C6orf89: variants seen among roughly 807,000 people sequenced by gnomAD.
C6orf89 encodes bombesin receptor-activated protein C6orf89.
In C6orf89, 29 loss-of-function variants were observed where a neutral mutation model predicts 40.7. The ratio of observed to expected loss-of-function variants is 0.71; its 90% CI spans 0.53 to 0.97. The LOEUF (loss-of-function observed/expected upper bound fraction) is 0.97. C6orf89 is among the 50% of genes least tolerant of loss of function. The pLI, the probability that C6orf89 is intolerant of heterozygous loss-of-function variation, is 0.00. For missense variants in C6orf89, 392 were observed against 429.1 expected (o/e 0.91, Z 0.76); for synonymous variants, 165 against 152.2 (o/e 1.08, Z -0.62).
At position 36,898,582 on chromosome 6, in the gene C6orf89, G is replaced by A. The variant is rs181592290; in HGVS notation, c.-19-844G>A. Among the ~76,000 whole-genome samples, 9 of 151,946 alleles carry A rather than the reference G, an allele frequency of 5.9e-5. No homozygotes were observed. The East Asian group carries it at 1.5e-3, about 26-fold the overall frequency. ...GCACGAGCTATTGCGTCCAGCCTTG[G>A]AACTATTTAATTTCATTTTACAAAT... On this transcript the variant is annotated intron_variant, in intron 2 of 8. Coordinates refer to ENST00000480824, the MANE Select transcript of C6orf89 (RefSeq NM_001286635.2).
At chr6:36,885,151 T>A (rs1162397691), upstream of C6orf89, among the ~76,000 whole-genome samples, 1 of 152,164 alleles carries the variant, frequency 6.6e-6, no homozygotes, top group Admixed American at 6.5e-5. Context: ...AGCTTAATAG[T>A]CAAACAAAAT....
In C6orf89 at chr6:36,916,539, T is replaced by A; in HGVS notation, c.790T>A (p.Ser264Thr). The part of the protein sequence containing the change: ...FPKDASLNKC[S>T]FLHPEPVVGS... ...AAAAGATGCCTCTTTAAACAAGTGC[T>A]CCTTTCTTCACCCAGAACCTGTTGT... Residue 264 changes from serine to threonine, a missense_variant, in exon 7 of 9, where the codon TCC (serine) becomes ACC (threonine). Coordinates refer to ENST00000480824, the MANE Select transcript of C6orf89 (RefSeq NM_001286635.2). 1.9e-6 allele frequency: 3 copies of A among 1,614,216 alleles called. No homozygotes were observed. Among genetic ancestry groups the A allele is most frequent in the Non-Finnish European group, 2.5e-6 (3 of 1,180,034 alleles).
In C6orf89 at chr6:36,909,555, A is replaced by AT. The variant is rs796275805; in HGVS notation, c.404-4723dup. 6.6e-5 allele frequency among the ~76,000 whole-genome samples: 10 copies of AT among 152,078 alleles called. No homozygotes were observed. In the East Asian group the frequency reaches 1.4e-3, roughly 21 times the overall value. On this transcript the variant is annotated intron_variant, in intron 4 of 8. Transcript: ENST00000480824. ...ACTTTTCTGTGAATTCCTTGTTCAT[A>AT]TTTTTTCCCCATTAAAAATTTTTTT...
At chr6:36,890,721 A>G (rs1388128900) in intron 1 of C6orf89, among the ~76,000 whole-genome samples, 3 of 151,958 alleles carry the variant, frequency 2.0e-5, no homozygotes, top group African/African-American at 4.8e-5. Context: ...TTTAGTAGAG[A>G]CAGGGTTTTG....
intron 2 of C6orf89, among the ~76,000 whole-genome samples, chr6:36,895,630 C>T (rs1295035298): frequency 1.3e-5 from 2 of 152,292 alleles, no homozygotes; most frequent in Admixed American, 1.3e-4. Flanking sequence ...CTTCTTTCAC[C>T]TAGCATAATG....
chr6:36,926,662 ATAG>A lies in C6orf89; in HGVS notation c.*3222_*3224del, dbSNP rs1762692319. The A allele has an allele frequency of 6.6e-6, 1 of 151,982 alleles. No homozygotes were observed. Among genetic ancestry groups the A allele is most frequent in the African/African-American group, 2.4e-5 (1 of 41,404 alleles). 9.4% of individuals were successfully genotyped at this position (151,982 alleles called of 1,614,324 possible). On this transcript the variant is annotated 3_prime_UTR_variant, in exon 9 of 9. Transcript: ENST00000480824. ...GCTCATGTTCTGAGAGAAAGGAATA[ATAG>A]CATTTGTCTAGTACATTCCAGTTTA...
intron 1 of C6orf89, among the ~76,000 whole-genome samples, chr6:36,888,693 A>G (rs1228754886): frequency 1.3e-5 from 2 of 152,130 alleles, no homozygotes; most frequent in Non-Finnish European, 2.9e-5. Flanking sequence ...GGAGAACTGG[A>G]AGTATAGAGA....
intron 1 of C6orf89, among the ~76,000 whole-genome samples, chr6:36,887,591 A>G (rs1358917381): frequency 6.6e-6 from 1 of 152,232 alleles, no homozygotes; most frequent in African/African-American, 2.4e-5. Flanking sequence ...GGCAGAGGAA[A>G]TTGTGTATGC....
intron 2 of C6orf89, chr6:36,879,143 T>G (rs1004355481): frequency 6.6e-6 from 1 of 152,476 alleles, no homozygotes; most frequent in Admixed American, 6.5e-5. Flanking sequence ...GTAAGCTCCC[T>G]CTCGGATCTC....
chr6:36,886,076 C>T, intron 1 of C6orf89, 48 bp downstream of exon 1: 5 of 1,087,522 alleles, frequency 4.6e-6, no homozygotes, highest in Non-Finnish European at 5.4e-6. Flanking sequence ...CGCCCTGTGA[C>T]AGCCTCGCCG....
At chr6:36,917,367 G>A (rs983134590) in intron 7 of C6orf89, among the ~76,000 whole-genome samples, 1 of 152,200 alleles carries the variant, frequency 6.6e-6, no homozygotes, top group Non-Finnish European at 1.5e-5. Context: ...CAGAGCCAAA[G>A]TTACCTCTCT....
At chr6:36,921,105 G>C (rs1191349249) in intron 8 of C6orf89, among the ~76,000 whole-genome samples, 6 of 151,976 alleles carry the variant, frequency 3.9e-5, no homozygotes, top group Non-Finnish European at 8.8e-5. Flanking sequence ...TTGTTGACTA[G>C]AAAGAAAGGA....
At chr6:36,880,017 C>T (rs1003133077) in intron 2 of C6orf89, among the ~76,000 whole-genome samples, 1 of 152,230 alleles carries the variant, frequency 6.6e-6, no homozygotes, top group Non-Finnish European at 1.5e-5. Flanking sequence ...CCATTCCCTG[C>T]TTAGGAAGTA....
At chr6:36,888,743 A>T (rs1049993485) in intron 1 of C6orf89, among the ~76,000 whole-genome samples, 45 of 152,360 alleles carry the variant, frequency 3.0e-4, no homozygotes, top group African/African-American at 1.1e-3. Flanking sequence ...AGAGATGTTG[A>T]AGACCTTAAC....
chr6:36,893,629 T>C (rs961500990), intron 1 of C6orf89, among the ~76,000 whole-genome samples: 14 of 152,206 alleles, frequency 9.2e-5, no homozygotes, highest in African/African-American at 3.4e-4. Context: ...AAGATTTTTA[T>C]GTGTATCAAA....
In C6orf89 at chr6:36,908,715, A is replaced by C. The variant is rs370352700; in HGVS notation, c.404-5569A>C. Among the ~76,000 whole-genome samples the C allele has an allele frequency of 2.6e-5, 4 of 152,334 alleles. No individual in the cohort carries two copies. The East Asian group carries it at 5.8e-4, about 22-fold the overall frequency. ...AGCATCACAGGCCGAGCAGCTTAAA[A>C]CAACAGAAATCCAGTACCTCACAGT... On this transcript the variant is annotated intron_variant, in intron 4 of 8. Coordinates refer to ENST00000480824, the MANE Select transcript of C6orf89 (RefSeq NM_001286635.2).
chr6:36,880,252 C>T (rs915422077), intron 2 of C6orf89, among the ~76,000 whole-genome samples: 5 of 152,188 alleles, frequency 3.3e-5, no homozygotes, highest in Admixed American at 3.3e-4. Flanking sequence ...AATGAATATT[C>T]AGGCTCTAAT....
At chr6:36,916,336 T>C (rs886368851) in intron 6 of C6orf89, 109 bp from the exon 7 acceptor site, 2 of 1,273,746 alleles carry the variant, frequency 1.6e-6, no homozygotes, top group African/African-American at 1.5e-5. Context: ...CTCATATTTT[T>C]CCCTCTTTAC....
At chr6:36,898,881 A>G (rs1183515393) in intron 2 of C6orf89, among the ~76,000 whole-genome samples, 3 of 152,182 alleles carry the variant, frequency 2.0e-5, no homozygotes. Context: ...GCCACATGCC[A>G]TGGTTTTTGT....
Sources: allele counts gnomAD v4.1 joint callset (sites outside exome capture counted in the v4.1 genomes callset), GRCh38; gene constraint gnomAD v4.1.1; transcripts MANE v1.5; gene names NCBI Gene and HGNC (gene_info 2026-07-23, HGNC 2026-07-21).